The following ERC1 variants were observed in gnomAD, a reference collection of about 807,000 sequenced individuals.
ERC1 encodes ELKS/RAB6-interacting/CAST family member 1.
In ERC1, 56 loss-of-function variants were observed where a neutral mutation model predicts 132.0. The ratio of observed to expected loss-of-function variants is 0.42; its 90% confidence interval spans 0.34 to 0.53. ERC1 has a LOEUF of 0.53. Ranked by LOEUF, ERC1 falls within the 20% of genes least tolerant of loss-of-function variation. The pLI is 0.03. For missense variants in ERC1, 1,202 were observed against 1,349.9 expected, an observed-to-expected ratio of 0.89 and a Z score of 1.72; for synonymous variants, 478 against 476.1, an observed-to-expected ratio of 1.00 and a Z score of -0.05.
chr12:1,081,092 G>A (rs528806409), intron 2 of ERC1, among the ~76,000 whole-genome samples: 43 of 152,234 alleles, frequency 2.8e-4, no homozygotes, highest in Non-Finnish European at 4.7e-4. Flanking sequence ...TCACAGTTTC[G>A]TGTTCTTCCC....
At chr12:1,470,467 ATCT>A (rs2093838568) in intron 18 of ERC1, among the ~76,000 whole-genome samples, 1 of 141,338 alleles carries the variant, frequency 7.1e-6, no homozygotes, top group African/African-American at 2.6e-5. Flanking sequence ...TTTTTTCTTC[ATCT>A]TCTCCCTTTT....
chr12:1,451,758 T>C (rs1039543512), intron 18 of ERC1, among the ~76,000 whole-genome samples: 1 of 152,220 alleles, frequency 6.6e-6, no homozygotes, highest in Non-Finnish European at 1.5e-5. Context: ...ACTTCCGTTA[T>C]GGCCAGAATT....
chr12:1,255,361 T>C (rs2076728997), intron 13 of ERC1, among the ~76,000 whole-genome samples: 1 of 152,182 alleles, frequency 6.6e-6, no homozygotes, highest in Non-Finnish European at 1.5e-5. Flanking sequence ...GACATTTAGG[T>C]TGGTTCCAAG....
chr12:1,316,902 G>A (rs932753966), intron 15 of ERC1, among the ~76,000 whole-genome samples: 2 of 152,356 alleles, frequency 1.3e-5, no homozygotes, highest in African/African-American at 4.8e-5. Context: ...GCTCATGCCT[G>A]TAATCCCAGC....
rs576917879 is a variant in ERC1 at position 1,148,312 on chromosome 12, C to G, written c.1737+6525C>G. Among the ~76,000 whole-genome samples, 22 of 152,198 alleles carry G rather than the reference C, an allele frequency of 1.4e-4. No individual in the cohort carries two copies. The South Asian group carries it at 1.5e-3, about 10-fold the overall frequency. ...GAGTCGCTAGGGAGGCTTTGGGAATCTTATAATCATGGCAGAAGGTGAAGG... is the reference window on the plus strand; with the variant it reads ...GAGTCGCTAGGGAGGCTTTGGGAATGTTATAATCATGGCAGAAGGTGAAGG... On this transcript the variant is annotated intron_variant, in intron 8 of 18. Coordinates refer to ENST00000360905, the MANE Select transcript of ERC1 (RefSeq NM_178040.4).
At chr12:1,206,045 A>T (rs76957359) in intron 12 of ERC1, among the ~76,000 whole-genome samples, 2,412 of 152,262 alleles carry the variant, frequency 0.016, 24 homozygotes, top group Non-Finnish European at 0.025. Flanking sequence ...ACCCAGCAGC[A>T]AATGCCATTA....
intron 1 of ERC1, among the ~76,000 whole-genome samples, chr12:999,783 C>T (rs926483240): frequency 5.9e-5 from 9 of 151,804 alleles, no homozygotes; most frequent in South Asian, 2.1e-4. Context: ...TTAGTAGAGA[C>T]GGGATTTCTC....
At chr12:1,079,905 T>C (rs1941939210) in intron 2 of ERC1, among the ~76,000 whole-genome samples, 1 of 152,174 alleles carries the variant, frequency 6.6e-6, no homozygotes, top group Admixed American at 6.5e-5. Context: ...AAAGTTGATA[T>C]ACAAAGATAC....
rs114499147 is a variant in ERC1, at chr12:1,391,864, G to A, written c.2926-16285G>A. ...GCCTGTTGGCATTTCCTGGTTGTTG[G>A]CTTCTTCAGCTCTACCTCTGGATAT... On this transcript the variant is annotated intron_variant, in intron 16 of 18. Coordinates refer to ENST00000360905, the MANE Select transcript of ERC1 (RefSeq NM_178040.4). Among the ~76,000 whole-genome samples the A allele has an allele frequency of 1.4e-3, 218 of 152,284 alleles. 1 individual carries two copies. Among genetic ancestry groups the A allele is most frequent in the African/African-American group, 4.7e-3 (195 of 41,560 alleles).
intron 2 of ERC1, among the ~76,000 whole-genome samples, chr12:1,052,452 T>C (rs922990527): frequency 6.6e-6 from 1 of 152,214 alleles, no homozygotes; most frequent in African/African-American, 2.4e-5. Flanking sequence ...ACCGCTGTGT[T>C]TTATTTCACA....
At chr12:1,138,893 G>A (rs781485910) in intron 7 of ERC1, among the ~76,000 whole-genome samples, 17 of 152,162 alleles carry the variant, frequency 1.1e-4, no homozygotes, top group East Asian at 3.9e-4. Context: ...GCAAGACCAC[G>A]TAATCTTAGA....
At chr12:1,294,692 A>C (rs1291737800) in intron 15 of ERC1, among the ~76,000 whole-genome samples, 2 of 152,196 alleles carry the variant, frequency 1.3e-5, no homozygotes, top group Admixed American at 1.3e-4. Flanking sequence ...TAAAAGGTTA[A>C]TTATTGTAGG....
chr12:1,054,908 G>C (rs967912707), intron 2 of ERC1, among the ~76,000 whole-genome samples: 1 of 152,066 alleles, frequency 6.6e-6, no homozygotes, highest in Non-Finnish European at 1.5e-5. Context: ...AATTTCTGGA[G>C]GAGCAGAATT....
At chr12:1,018,411 C>T (rs899647681) in intron 1 of ERC1, among the ~76,000 whole-genome samples, 1 of 152,126 alleles carries the variant, frequency 6.6e-6, no homozygotes, top group Non-Finnish European at 1.5e-5. Context: ...GACGGGGTTT[C>T]GCCATGTTGG....
chr12:1,156,694 A>G (rs1019709657), intron 8 of ERC1, among the ~76,000 whole-genome samples: 3 of 152,116 alleles, frequency 2.0e-5, no homozygotes, highest in Admixed American at 6.5e-5. Context: ...TTCATTAAAC[A>G]TTTGTTATCA....
intron 8 of ERC1, among the ~76,000 whole-genome samples, chr12:1,157,485 T>G (rs931928554): frequency 1.3e-5 from 2 of 152,254 alleles, no homozygotes; most frequent in South Asian, 4.1e-4. Flanking sequence ...TACATGTGGC[T>G]GGCCAGTTGT....
At chr12:1,356,070 G>A (rs2085492952) in intron 15 of ERC1, among the ~76,000 whole-genome samples, 1 of 152,050 alleles carries the variant, frequency 6.6e-6, no homozygotes. Flanking sequence ...CAGGCCTGGT[G>A]GCACATGCCT....
rs543981960 is a variant in ERC1, at chr12:1,241,170, T to G, written c.2487+4266T>G. ...TACTTCCAGCAGTTTGCAGGCATTC[T>G]GTTTTCCCTATAGCCACTTTGGTTC... is the stretch of plus-strand genomic sequence containing the variant. On this transcript the variant is annotated intron_variant, in intron 13 of 18. Transcript: ENST00000360905. Among the ~76,000 whole-genome samples the G allele has an allele frequency of 1.6e-3, 251 of 152,328 alleles. 1 individual carries two copies. The highest frequency in any genetic ancestry group is 6.8e-3 in the Middle Eastern group (2 of 294).
chr12:1,405,170 AATAAATAAATAT>A (rs1361724750), intron 16 of ERC1, among the ~76,000 whole-genome samples: 4 of 147,624 alleles, frequency 2.7e-5, no homozygotes, highest in African/African-American at 7.4e-5. Context: ...TAAATAAATA[AATAAATAAATAT>A]AAATAAAATA....
Sources: gnomAD v4.1 joint callset for allele counts (sites outside exome capture counted in the v4.1 genomes callset) on GRCh38, gnomAD v4.1.1 for gene constraint, MANE v1.5 for transcripts, NCBI Gene and HGNC (gene_info 2026-07-23, HGNC 2026-07-21) for gene names.